The following ARHGAP44 variants were observed in gnomAD, a reference collection of about 807,000 sequenced individuals.
ARHGAP44 encodes Rho GTPase activating protein 44.
Under a neutral mutation model 106.8 loss-of-function variants are expected in ARHGAP44, and 43 were observed. The observed-to-expected ratio is 0.40, with a 90% CI of 0.32 to 0.52. The LOEUF (loss-of-function observed/expected upper bound fraction) is 0.52. Among genes scored for constraint, ARHGAP44 ranks in the 20% least tolerant of loss-of-function variants. The probability of loss-of-function intolerance (pLI) is 0.48; values close to 1 mark genes in which losing one functional copy is unlikely to be tolerated. For synonymous variants in ARHGAP44, 439 were observed against 410.3 expected (o/e 1.07, Z -0.85); for missense variants, 866 against 1,050.5 (o/e 0.82, Z 2.43).
At chr17:12,871,063 A>G (rs2036392587) in intron 1 of ARHGAP44, among the ~76,000 whole-genome samples, 2 of 152,172 alleles carry the variant, frequency 1.3e-5, no homozygotes, top group East Asian at 1.9e-4. Flanking sequence ...CTTGTTTCGT[A>G]ATCACATAGT....
chr17:12,966,822 C>A (rs933633401), intron 16 of ARHGAP44, among the ~76,000 whole-genome samples: 1 of 152,194 alleles, frequency 6.6e-6, no homozygotes, highest in Non-Finnish European at 1.5e-5. Flanking sequence ...TTGGCTGACA[C>A]CTCCCCTGGC....
chr17:12,798,942 A>T (rs2034005784), intron 1 of ARHGAP44, among the ~76,000 whole-genome samples: 1 of 152,204 alleles, frequency 6.6e-6, no homozygotes, highest in Admixed American at 6.5e-5. Context: ...TATTTGATAG[A>T]AAAGCATTCA....
At chr17:12,935,289 A>G (rs1477953790) in intron 7 of ARHGAP44, among the ~76,000 whole-genome samples, 2 of 152,204 alleles carry the variant, frequency 1.3e-5, no homozygotes, top group Non-Finnish European at 2.9e-5. Flanking sequence ...TAAAGGGCAT[A>G]TGGGCCGGGT....
At chr17:12,925,081 C>G (rs1027910275) in intron 6 of ARHGAP44, among the ~76,000 whole-genome samples, 2 of 152,150 alleles carry the variant, frequency 1.3e-5, no homozygotes, top group Non-Finnish European at 2.9e-5. Context: ...TCGTCTCTCA[C>G]CCCTCCCCAT....
intron 1 of ARHGAP44, among the ~76,000 whole-genome samples, chr17:12,887,295 A>C (rs1349970315): frequency 6.6e-6 from 1 of 152,138 alleles, no homozygotes; most frequent in Non-Finnish European, 1.5e-5. Flanking sequence ...AGGAGTGATC[A>C]TGGCTCACAT....
intron 1 of ARHGAP44, among the ~76,000 whole-genome samples, chr17:12,847,839 C>T (rs1337243522): frequency 6.6e-6 from 1 of 152,178 alleles, no homozygotes; most frequent in African/African-American, 2.4e-5. Flanking sequence ...CCCAGTTTAA[C>T]TCTATTTTTC....
Position 12,980,126 on chromosome 17 carries a change from C to T in ARHGAP44, c.1832C>T (p.Thr611Ile), listed in dbSNP as rs764579990. Residue 611 changes from threonine to isoleucine, a missense_variant, in exon 19 of 21, where the codon ACA becomes ATA. By Grantham distance (89) the Thr-to-Ile change is moderately conservative. Coordinates refer to ENST00000379672, the MANE Select transcript of ARHGAP44 (RefSeq NM_014859.6). Reference protein sequence around the residue: ...QKGSPGSSQGTACAGTQPGAQ... With the variant: ...QKGSPGSSQGIACAGTQPGAQ... ...GGAAGTCCAGGCTCCAGCCAGGGCA[C>T]AGCCTGTGCAGGGACTCAACCAGGG... 4 of 1,613,884 alleles carry T rather than the reference C, an allele frequency of 2.5e-6. No homozygotes were observed. Among genetic ancestry groups the T allele is most frequent in the South Asian group, 1.1e-5 (1 of 91,090 alleles).
At chr17:12,919,367 G>A (rs1211373249) in intron 5 of ARHGAP44, among the ~76,000 whole-genome samples, 2 of 150,218 alleles carry the variant, frequency 1.3e-5, no homozygotes, top group East Asian at 4.0e-4. Context: ...ACTTCCAATA[G>A]TTCTTTAAGA....
intron 8 of ARHGAP44, among the ~76,000 whole-genome samples, chr17:12,942,978 G>A (rs2190699): frequency 0.7 from 106,293 of 152,206 alleles, 37,293 homozygotes; most frequent in Middle Eastern, 0.74. Flanking sequence ...TTATATGTTA[G>A]ACTAACTTTG....
At chr17:12,984,992 A>T in intron 20 of ARHGAP44, 84 bp downstream of exon 20, 1 of 1,485,700 alleles carries the variant, frequency 6.7e-7, no homozygotes. Flanking sequence ...TGTTACTGCC[A>T]GTGAACACAT....
chr17:12,852,929 C>G (rs904442173), intron 1 of ARHGAP44, among the ~76,000 whole-genome samples: 2 of 152,084 alleles, frequency 1.3e-5, no homozygotes, highest in Non-Finnish European at 2.9e-5. Context: ...TAAAGAGGAA[C>G]ATAAGAGCAA....
chr17:12,797,319 G>C (rs2033954255), intron 1 of ARHGAP44, among the ~76,000 whole-genome samples: 1 of 152,066 alleles, frequency 6.6e-6, no homozygotes, highest in Non-Finnish European at 1.5e-5. Flanking sequence ...GTATGACATG[G>C]CTTAGGTATA....
intron 1 of ARHGAP44, among the ~76,000 whole-genome samples, chr17:12,815,915 G>A (rs1278591195): frequency 1.3e-5 from 2 of 152,150 alleles, no homozygotes; most frequent in Non-Finnish European, 2.9e-5. Flanking sequence ...TGGACAGATG[G>A]AACTATTTAG....
chr17:12,853,988 G>A lies in ARHGAP44; in HGVS notation c.54-40952G>A, dbSNP rs145114188. 8.0e-3 allele frequency among the ~76,000 whole-genome samples: 1,225 copies of A among 152,194 alleles called. 25 individuals carry two copies. Among genetic ancestry groups the A allele is most frequent in the African/African-American group, 0.028 (1,181 of 41,512 alleles). ...GACCTGATTTCTCACCTTATTTCCT[G>A]TTGATTCCTTCTCAGCTGTAGCAGG... is the stretch of plus-strand genomic sequence containing the variant. On this transcript the variant is annotated intron_variant, in intron 1 of 20. Coordinates refer to ENST00000379672, the MANE Select transcript of ARHGAP44 (RefSeq NM_014859.6).
intron 1 of ARHGAP44, among the ~76,000 whole-genome samples, chr17:12,837,006 A>C (rs2035258035): frequency 6.6e-6 from 1 of 152,350 alleles, no homozygotes; most frequent in Non-Finnish European, 1.5e-5. Flanking sequence ...CTCATAAAAC[A>C]TTCACCAAGG....
In ARHGAP44 at chr17:12,944,216, C is replaced by G. The variant is rs748294067; in HGVS notation, c.861+20C>G. ...GAGGAGGTAGGTCTGAGCACAGCCA[C>G]ACGCCGCCCCGGGCAGGTCTCCTCT... On this transcript the variant is annotated intron_variant, in intron 10 of 20. Coordinates refer to ENST00000379672, the MANE Select transcript of ARHGAP44 (RefSeq NM_014859.6). The G allele has an allele frequency of 1.3e-6, 2 of 1,580,354 alleles. No homozygotes were observed. Among genetic ancestry groups the G allele is most frequent in the Non-Finnish European group, 8.6e-7 (1 of 1,160,766 alleles).
chr17:12,910,015 A>AG (rs1347026250), intron 4 of ARHGAP44, among the ~76,000 whole-genome samples: 3 of 152,260 alleles, frequency 2.0e-5, no homozygotes, highest in Non-Finnish European at 4.4e-5. Context: ...AATGAATGCC[A>AG]GAAGATAATG....
At chr17:12,973,437 T>TA in intron 17 of ARHGAP44, 118 bp downstream of exon 17, 3 of 1,035,966 alleles carry the variant, frequency 2.9e-6, no homozygotes, top group Non-Finnish European at 4.3e-6. Context: ...TTGGCCGACT[T>TA]ATTTGAAGCT....
intron 18 of ARHGAP44, among the ~76,000 whole-genome samples, chr17:12,976,589 G>T (rs1254204540): frequency 2.0e-5 from 3 of 148,758 alleles, no homozygotes; most frequent in Non-Finnish European, 4.4e-5. Context: ...CTCCAACCTG[G>T]GTGACAGAGC....
Sources: gnomAD v4.1 joint callset for allele counts (sites outside exome capture counted in the v4.1 genomes callset) on GRCh38, gnomAD v4.1.1 for gene constraint, MANE v1.5 for transcripts, NCBI Gene and HGNC (gene_info 2026-07-23, HGNC 2026-07-21) for gene names.